Variants in NUDT21 observed in about 807,000 individuals in gnomAD.
NUDT21 encodes nudix hydrolase 21, also known as cleavage and polyadenylation specificity factor subunit 5.
In NUDT21, 5 loss-of-function variants were observed where a neutral mutation model predicts 29.8. The ratio of observed to expected loss-of-function variants is 0.17; its 90% CI spans 0.09 to 0.35. NUDT21 has a LOEUF of 0.35. Ranked by LOEUF, NUDT21 falls within the 10% of genes least tolerant of loss-of-function variation. The probability of loss-of-function intolerance (pLI) is 1.00; values close to 1 mark genes in which losing one functional copy is unlikely to be tolerated. For missense variants in NUDT21, 76 were observed against 276.0 expected, an observed-to-expected ratio of 0.28 and a Z score of 5.13; for synonymous variants, 113 against 98.5, an observed-to-expected ratio of 1.15 and a Z score of -0.87.
At chr16:56,439,948 A>G (rs1257508731) in intron 3 of NUDT21, among the ~76,000 whole-genome samples, 4 of 152,238 alleles carry the variant, frequency 2.6e-5, no homozygotes, top group African/African-American at 9.6e-5. Flanking sequence ...GCAAGCTAGT[A>G]TCAACATAAA....
intron 1 of NUDT21, among the ~76,000 whole-genome samples, chr16:56,450,023 C>T (rs574788833): frequency 7.9e-5 from 12 of 152,328 alleles, no homozygotes; most frequent in East Asian, 5.8e-4. Context: ...TGTTAACCAT[C>T]TTTTCAACTT....
In NUDT21 at chr16:56,439,404, C is replaced by A. The variant is rs577951626; in HGVS notation, c.471+253G>T. 3.1e-4 allele frequency: 123 copies of A among 398,202 alleles called. 2 individuals carry two copies. Among genetic ancestry groups the A allele is most frequent in the South Asian group, 2.8e-3 (117 of 41,212 alleles). 24.7% of individuals were successfully genotyped at this position (398,202 alleles called of 1,614,324 possible). A position where few individuals can be genotyped will look rare whatever the true frequency, so the allele number is the denominator to read the frequency against. On this transcript the variant is annotated intron_variant, in intron 4 of 6. Transcript: ENST00000300291. ...GCCAGGCTGGTCTCAAACTCCTGACCTCAACAGGTGATCCACCCGCCTCGG... is the reference window on the plus strand; with the variant it reads ...GCCAGGCTGGTCTCAAACTCCTGACATCAACAGGTGATCCACCCGCCTCGG...
chr16:56,438,603 G>C (rs1962128585), intron 4 of NUDT21, among the ~76,000 whole-genome samples: 1 of 152,204 alleles, frequency 6.6e-6, no homozygotes. Flanking sequence ...TTGTTATGCA[G>C]GTATAGATTA....
chr16:56,450,176 T>C (rs1962271187), intron 1 of NUDT21, among the ~76,000 whole-genome samples: 1 of 152,100 alleles, frequency 6.6e-6, no homozygotes, highest in Non-Finnish European at 1.5e-5. Flanking sequence ...CTGGCCACTT[T>C]CCTCCATCCT....
chr16:56,450,880 A>T lies in NUDT21; in HGVS notation c.116+207T>A, dbSNP rs190126262. Among the ~76,000 whole-genome samples the T allele has an allele frequency of 3.2e-3, 486 of 152,342 alleles. 4 individuals carry two copies. Among genetic ancestry groups the T allele is most frequent in the Middle Eastern group, 6.8e-3 (2 of 294 alleles). ...TGACCGAATACATAGGATGGGAACA[A>T]GCCTTCCTTTCAGAAAAGGACTCTA... On this transcript the variant is annotated intron_variant, in intron 1 of 6. Transcript: ENST00000300291.
intron 3 of NUDT21, among the ~76,000 whole-genome samples, chr16:56,442,861 C>T (rs539427537): frequency 7.9e-5 from 12 of 152,190 alleles, no homozygotes; most frequent in African/African-American, 2.6e-4. Context: ...AACCTCTTAA[C>T]TCTTTACTGA....
chr16:56,450,439 A>T (rs1962279248), intron 1 of NUDT21, among the ~76,000 whole-genome samples: 1 of 152,228 alleles, frequency 6.6e-6, no homozygotes, highest in Non-Finnish European at 1.5e-5. Context: ...AAGCCCAACC[A>T]TAGCAGCATC....
chr16:56,441,318 C>T (rs1477523968), intron 3 of NUDT21, among the ~76,000 whole-genome samples: 1 of 152,160 alleles, frequency 6.6e-6, no homozygotes, highest in Non-Finnish European at 1.5e-5. Context: ...CTCACTGCAA[C>T]CTCCACCACC....
chr16:56,442,388 A>G (rs1436098559), intron 3 of NUDT21, among the ~76,000 whole-genome samples: 1 of 152,252 alleles, frequency 6.6e-6, no homozygotes, highest in African/African-American at 2.4e-5. Flanking sequence ...GTTTGATTAG[A>G]AAATTCTAGG....
At chr16:56,435,784 T>TATATATATATATATATATATA (rs58350584) in intron 4 of NUDT21, among the ~76,000 whole-genome samples, 1 of 101,996 alleles carries the variant, frequency 9.8e-6, no homozygotes, top group Non-Finnish European at 2.0e-5. Flanking sequence ...TATATATATA[T>TATATATATATATATATATATA]GATCAGTAAG....
chr16:56,433,819 T>A (rs1312752004), intron 6 of NUDT21, among the ~76,000 whole-genome samples: 1 of 151,406 alleles, frequency 6.6e-6, no homozygotes, highest in African/African-American at 2.5e-5. Context: ...CCCAAGTAGC[T>A]GGGATTAAAA....
chr16:56,440,803 A>G (rs1309828449), intron 3 of NUDT21, among the ~76,000 whole-genome samples: 1 of 152,152 alleles, frequency 6.6e-6, no homozygotes, highest in Non-Finnish European at 1.5e-5. Flanking sequence ...CAATGGCGCA[A>G]TATCGGCTCA....
rs1476711941 is a variant in NUDT21 at position 56,447,996 on chromosome 16, T to C, written c.117-7A>G. The C allele has an allele frequency of 4.3e-6, 7 of 1,611,772 alleles. No individual in the cohort carries two copies. Among genetic ancestry groups the C allele is most frequent in the Non-Finnish European group, 4.2e-6 (5 of 1,178,240 alleles). Reference sequence around the variant, plus strand: ...ATAATTGGTAAGAGGGTACCTGTGATCCGAAGACAAACATCTAACATGAGA... The same window carrying C: ...ATAATTGGTAAGAGGGTACCTGTGACCCGAAGACAAACATCTAACATGAGA... On this transcript the variant is annotated splice_region_variant and splice_polypyrimidine_tract_variant and intron_variant, in intron 1 of 6. Transcript: ENST00000300291.
intron 4 of NUDT21, among the ~76,000 whole-genome samples, chr16:56,435,771 ATATATATATATATG>A (rs1290092220): frequency 9.8e-6 from 1 of 101,856 alleles, no homozygotes; most frequent in Non-Finnish European, 2.0e-5. Context: ...ATATATATAT[ATATATATATATATG>A]ATCAGTAAGT....
At chr16:56,439,841 T>G (rs1303445456) in intron 3 of NUDT21, 95 bp from the exon 4 acceptor site, 4 of 920,718 alleles carry the variant, frequency 4.3e-6, no homozygotes, top group South Asian at 3.9e-5. Flanking sequence ...TGCTCCTAAT[T>G]GAAACATAGG....
chr16:56,446,745 A>G (rs1962223931), intron 2 of NUDT21, 56 bp from the exon 3 acceptor site: 2 of 1,032,794 alleles, frequency 1.9e-6, no homozygotes, highest in South Asian at 1.4e-5. Flanking sequence ...GAGATAACAA[A>G]TAACACAATA....
chr16:56,448,059 A>G, intron 1 of NUDT21, 70 bp from the exon 2 acceptor site: 1 of 1,372,072 alleles, frequency 7.3e-7, no homozygotes, highest in Non-Finnish European at 1.0e-6. Flanking sequence ...ACATTAGCAT[A>G]AAGAAACCAT....
intron 6 of NUDT21, 81 bp from the exon 7 acceptor site, chr16:56,432,814 G>T: frequency 9.7e-7 from 1 of 1,028,260 alleles, no homozygotes; most frequent in Non-Finnish European, 1.4e-6. Flanking sequence ...TTATCTGGAT[G>T]TTTCTGCCCT....
rs1164407605 is a variant in NUDT21 at position 56,439,702 on chromosome 16, G to A, written c.426C>T (p.Asp142=). 11 of 1,613,872 alleles carry A rather than the reference G, an allele frequency of 6.8e-6. No individual in the cohort carries two copies. Among genetic ancestry groups the A allele is most frequent in the Middle Eastern group, 1.6e-4 (1 of 6,084 alleles). The change falls in exon 4 of 7, where the codon GAC becomes GAT. Residue 142 remains aspartate, a synonymous_variant. Transcript: ENST00000300291. The part of the protein sequence containing the change: ...QDGVLQDWVI[D]DCIGNWWRPN... ...GTCTCCACCAGTTACCAATGCAATC[G>A]TCAATGACCCAGTCTTGCAAAACTC... is the stretch of plus-strand genomic sequence containing the variant.
Sources: gnomAD v4.1 joint callset for allele counts (sites outside exome capture counted in the v4.1 genomes callset) on GRCh38, gnomAD v4.1.1 for gene constraint, MANE v1.5 for transcripts, NCBI Gene and HGNC (gene_info 2026-07-23, HGNC 2026-07-21) for gene names.